ACAP2: variants seen among roughly 807,000 people sequenced by gnomAD.
The protein encoded by ACAP2 is ArfGAP with coiled-coil, ankyrin repeat and PH domains 2, also known as arf-GAP with coiled-coil, ANK repeat and PH domain-containing protein 2.
A neutral mutation model predicts 115.8 loss-of-function variants in ACAP2; 39 were observed. That is an observed-to-expected ratio of 0.34 (90% CI 0.26 to 0.44). The LOEUF (loss-of-function observed/expected upper bound fraction) is 0.44, where lower values mean the gene tolerates loss of function less well. Ranked by LOEUF, ACAP2 falls within the 20% of genes least tolerant of loss-of-function variation. The pLI is 1.00. For synonymous variants in ACAP2, 289 were observed against 315.8 expected (o/e 0.92, Z 0.90); for missense variants, 662 against 927.6 (o/e 0.71, Z 3.72).
chr3:195,395,429 T>C (rs1434808893), intron 1 of ACAP2, among the ~76,000 whole-genome samples: 1 of 152,216 alleles, frequency 6.6e-6, no homozygotes, highest in Non-Finnish European at 1.5e-5. Flanking sequence ...ACAGGCAAGT[T>C]TGACCCATAA....
At chr3:195,411,890 A>G (rs1713291537) in intron 1 of ACAP2, among the ~76,000 whole-genome samples, 1 of 151,410 alleles carries the variant, frequency 6.6e-6, no homozygotes, top group Non-Finnish European at 1.5e-5. Flanking sequence ...ATTTAGTAAT[A>G]AGGAAAAAAA....
At chr3:195,357,392 G>A (rs1732045520) in intron 4 of ACAP2, among the ~76,000 whole-genome samples, 1 of 152,152 alleles carries the variant, frequency 6.6e-6, no homozygotes, top group South Asian at 2.1e-4. Context: ...GGAGCCCAGA[G>A]GAATTCACCA....
intron 1 of ACAP2, chr3:195,419,663 C>T (rs1714013950): frequency 6.6e-6 from 1 of 152,188 alleles, no homozygotes; most frequent in African/African-American, 2.4e-5. Context: ...TGTATATTTT[C>T]CAATACTACA....
At chr3:195,438,248 G>A (rs538750792) in intron 1 of ACAP2, among the ~76,000 whole-genome samples, 31 of 151,570 alleles carry the variant, frequency 2.0e-4, no homozygotes, top group South Asian at 8.4e-4. Flanking sequence ...GGCTGGTTTC[G>A]AACTCCTGAC....
chr3:195,302,218 T>A, intron 13 of ACAP2, 44 bp from the exon 14 acceptor site: 1 of 1,490,552 alleles, frequency 6.7e-7, no homozygotes, highest in Non-Finnish European at 9.2e-7. Flanking sequence ...AAAAAAAGAT[T>A]GAAATACTTT....
At chr3:195,384,782 A>G (rs1391746248) in intron 2 of ACAP2, among the ~76,000 whole-genome samples, 1 of 152,150 alleles carries the variant, frequency 6.6e-6, no homozygotes, top group African/African-American at 2.4e-5. Context: ...GCATTCCTCT[A>G]GGAAAGAGAT....
chr3:195,342,440 C>A, intron 6 of ACAP2, 31 bp downstream of exon 6: 1 of 1,557,344 alleles, frequency 6.4e-7, no homozygotes. Flanking sequence ...TAAGCACTGT[C>A]TGAAAACATA....
rs1043040504 is a variant in ACAP2, at chr3:195,295,411, G to T, written c.1672+297C>A. 112 of 577,104 alleles carry T rather than the reference G, an allele frequency of 1.9e-4. 1 individual carries two copies. The highest frequency in any genetic ancestry group is 6.0e-4 in the Middle Eastern group (2 of 3,360). 35.7% of individuals were successfully genotyped at this position (577,104 alleles called of 1,614,324 possible). A position where few individuals can be genotyped will look rare whatever the true frequency, so the allele number is the denominator to read the frequency against. On this transcript the variant is annotated intron_variant, in intron 17 of 22. Coordinates refer to ENST00000326793, the MANE Select transcript of ACAP2 (RefSeq NM_012287.6). ...GAGGAAAAAATAGGAAGGAAATCAG[G>T]TAGTTAATCAGATACTTAGGGCTTT...
At chr3:195,368,291 C>A (rs1279199061) in intron 4 of ACAP2, among the ~76,000 whole-genome samples, 1 of 152,004 alleles carries the variant, frequency 6.6e-6, no homozygotes, top group Non-Finnish European at 1.5e-5. Flanking sequence ...CTGGGATTAC[C>A]GGCATGCACC....
At chr3:195,360,748 C>T (rs1219834406) in intron 4 of ACAP2, among the ~76,000 whole-genome samples, 3 of 151,300 alleles carry the variant, frequency 2.0e-5, no homozygotes, top group South Asian at 4.2e-4. Flanking sequence ...GAGTTGGGAT[C>T]GTGCCACTGC....
At chr3:195,338,211 G>A (rs1275915697) in intron 6 of ACAP2, among the ~76,000 whole-genome samples, 1 of 152,152 alleles carries the variant, frequency 6.6e-6, no homozygotes, top group Admixed American at 6.5e-5. Flanking sequence ...AAATTCTAGT[G>A]AGACCAGGGT....
At position 195,414,970 on chromosome 3, in the gene ACAP2, T is replaced by C. The variant is rs1002980250; in HGVS notation, c.54-22823A>G. On this transcript the variant is annotated intron_variant, in intron 1 of 22. Coordinates refer to ENST00000326793, the MANE Select transcript of ACAP2 (RefSeq NM_012287.6). ...TAAAAATATCAGTAGCTGCTGGGAG[T>C]TGGGGTAAAGGGAGGGATGAATCAG... is the stretch of plus-strand genomic sequence containing the variant. Among the ~76,000 whole-genome samples, 8 of 151,374 alleles carry C rather than the reference T, an allele frequency of 5.3e-5. No homozygotes were observed. The East Asian group carries it at 7.8e-4, about 15-fold the overall frequency.
At position 195,279,238 on chromosome 3, in the gene ACAP2, G is replaced by A. The variant is rs1432405801; in HGVS notation, c.*90C>T. On this transcript the variant is annotated 3_prime_UTR_variant, in exon 23 of 23. Coordinates refer to ENST00000326793, the MANE Select transcript of ACAP2 (RefSeq NM_012287.6). ...GCCATTCAATATCTACCAAAATTAA[G>A]TAGAATTAAAGCAGTAAAAAAATTG... 1.3e-6 allele frequency: 1 copy of A among 767,422 alleles called. No individual in the cohort carries two copies. The highest frequency in any genetic ancestry group is 1.8e-5 in the African/African-American group (1 of 54,312). The allele number at this position is 767,422 out of a possible 1,614,324, so 47.5% of individuals were successfully genotyped here. A position where few individuals can be genotyped will look rare whatever the true frequency, so the allele number is the denominator to read the frequency against.
intron 18 of ACAP2, among the ~76,000 whole-genome samples, chr3:195,292,769 A>C (rs138647281): frequency 1.1e-4 from 17 of 151,984 alleles, no homozygotes; most frequent in African/African-American, 3.9e-4. Flanking sequence ...TAAAAATACA[A>C]AAATTAACCA....
chr3:195,359,722 C>T (rs1732225216), intron 4 of ACAP2, among the ~76,000 whole-genome samples: 1 of 152,230 alleles, frequency 6.6e-6, no homozygotes, highest in Non-Finnish European at 1.5e-5. Context: ...CCGCCCCAGC[C>T]TCCCAAAGTG....
rs1235115527 is a variant in ACAP2, at chr3:195,355,362, G to A, written c.286-10045C>T. On this transcript the variant is annotated intron_variant, in intron 4 of 22. Transcript: ENST00000326793. Reference sequence around the variant, plus strand: ...AGCTAACTCTTTTCTATATTAAACTGCTACACAGAAATTCCTCAATTCATC... The same window carrying A: ...AGCTAACTCTTTTCTATATTAAACTACTACACAGAAATTCCTCAATTCATC... Among the ~76,000 whole-genome samples, 3 of 140,896 alleles carry A rather than the reference G, an allele frequency of 2.1e-5. No individual in the cohort carries two copies. In the South Asian group the frequency reaches 6.7e-4, roughly 32 times the overall value. The allele number at this position is 140,896 out of a possible 152,430, so 92.4% of individuals were successfully genotyped here. A position where few individuals can be genotyped will look rare whatever the true frequency, so the allele number is the denominator to read the frequency against.
At chr3:195,420,931 G>A (rs1480186204) in intron 1 of ACAP2, among the ~76,000 whole-genome samples, 8 of 152,028 alleles carry the variant, frequency 5.3e-5, no homozygotes, top group African/African-American at 1.2e-4. Flanking sequence ...GGTGTGAGCC[G>A]CCGCACCTGG....
At chr3:195,399,124 A>G (rs1712050506) in intron 1 of ACAP2, among the ~76,000 whole-genome samples, 1 of 152,210 alleles carries the variant, frequency 6.6e-6, no homozygotes, top group Non-Finnish European at 1.5e-5. Flanking sequence ...GATTTCCTCC[A>G]GGCCCTTGCT....
Position 195,333,083 on chromosome 3 carries a change from T to C in ACAP2, c.614A>G (p.Gln205Arg), listed in dbSNP as rs1218164984. 6.2e-7 allele frequency: 1 copy of C among 1,609,938 alleles called. No homozygotes were observed. Residue 205 changes from glutamine to arginine, a missense_variant, in exon 8 of 23, where the codon CAA becomes CGA. Gln to Arg is a conservative substitution (Grantham distance 43). Coordinates refer to ENST00000326793, the MANE Select transcript of ACAP2 (RefSeq NM_012287.6). ...AAGTTCACTAAACAGATCATATCCTTGATGAAAGAAGGCCAAATGGGCATA... is the reference window on the plus strand; with the variant it reads ...AAGTTCACTAAACAGATCATATCCTCGATGAAAGAAGGCCAAATGGGCATA... ...FMYAHLAFFH[Q>R]GYDLFSELGP...
Sources: allele counts gnomAD v4.1 joint callset (sites outside exome capture counted in the v4.1 genomes callset), GRCh38; gene constraint gnomAD v4.1.1; transcripts MANE v1.5; gene names NCBI Gene and HGNC (gene_info 2026-07-23, HGNC 2026-07-21).